C6orf118: variants seen among roughly 807,000 people sequenced by gnomAD.
C6orf118 encodes the protein uncharacterized protein C6orf118.
C6orf118 carries 50 observed loss-of-function variants against 50.2 expected under a neutral mutation model. The observed-to-expected ratio is 1.00, with a 90% confidence interval of 0.79 to 1.26. The LOEUF is 1.26. Among genes scored for constraint, C6orf118 ranks in the 50% most tolerant of loss-of-function variants. The pLI is 0.00. For missense variants in C6orf118, 641 were observed against 578.7 expected, an observed-to-expected ratio of 1.11 and a Z score of -1.10; for synonymous variants, 239 against 230.9, an observed-to-expected ratio of 1.03 and a Z score of -0.32.
At chr6:165,296,250 G>GTTTTTTTTTTTTTTTTTTTTTTTTT (rs56394079) in intron 5 of C6orf118, among the ~76,000 whole-genome samples, 43 of 103,364 alleles carry the variant, frequency 4.2e-4, no homozygotes, top group Non-Finnish European at 5.9e-4. Flanking sequence ...TTCGTTTTTT[G>GTTTTTTTTTTTTTTTTTTTTTTTTT]TTTTTTTTTT....
intron 5 of C6orf118, among the ~76,000 whole-genome samples, chr6:165,294,474 GC>G (rs1369011422): frequency 3.3e-5 from 5 of 152,102 alleles, no homozygotes; most frequent in African/African-American, 1.2e-4. Flanking sequence ...ACATCCACAT[GC>G]AAATAATTTA....
At chr6:165,289,708 T>C (rs1780038846) in intron 7 of C6orf118, among the ~76,000 whole-genome samples, 178 bp downstream of exon 7, 2 of 152,162 alleles carry the variant, frequency 1.3e-5, no homozygotes, top group South Asian at 4.1e-4. Context: ...TTTTTTCTTA[T>C]TTTGATAGAT....
At chr6:165,283,740 G>A (rs1233299987) in intron 7 of C6orf118, among the ~76,000 whole-genome samples, 1 of 152,086 alleles carries the variant, frequency 6.6e-6, no homozygotes, top group Non-Finnish European at 1.5e-5. Flanking sequence ...TGGAAGAGGG[G>A]CCTGTTAAAA....
At chr6:165,296,060 A>G (rs796276963) in intron 5 of C6orf118, among the ~76,000 whole-genome samples, 8 of 151,880 alleles carry the variant, frequency 5.3e-5, no homozygotes, top group African/African-American at 1.4e-4. Flanking sequence ...ATCTATCTCC[A>G]CTGTTCTCTC....
At chr6:165,297,885 GA>G (rs2128161425) in intron 5 of C6orf118, 91 bp downstream of exon 5, 1 of 1,571,500 alleles carries the variant, frequency 6.4e-7, no homozygotes, top group African/African-American at 1.3e-5. Context: ...CAGCAACGCA[GA>G]AATCAATGTA....
Position 165,300,453 on chromosome 6 carries a change from G to C in C6orf118, c.787C>G (p.Gln263Glu), listed in dbSNP as rs1214014258. The C allele has an allele frequency of 4.3e-6, 7 of 1,613,140 alleles. No homozygotes were observed. The highest frequency in any genetic ancestry group is 5.9e-6 in the Non-Finnish European group (7 of 1,179,552). Residue 263 changes from glutamine (Q) to glutamate (E), a missense_variant, in exon 3 of 9, where the codon CAG (glutamine) becomes GAG (glutamate). By Grantham distance (29) the Gln-to-Glu change is conservative (BLOSUM62 2). Transcript: ENST00000230301. Reference sequence around the variant, plus strand: ...CCAAAGACGTGCAGTCTGTTGAACTGCTGGGGGCTGCACGTGCAAATTTTC... The same window carrying C: ...CCAAAGACGTGCAGTCTGTTGAACTCCTGGGGGCTGCACGTGCAAATTTTC... ...LQKICTCSPQQFNRLHVFGKV... is the reference protein window; with the variant it reads ...LQKICTCSPQEFNRLHVFGKV...
intron 1 of C6orf118, among the ~76,000 whole-genome samples, chr6:165,309,354 C>A (rs374603171): frequency 6.6e-6 from 1 of 152,392 alleles, no homozygotes; most frequent in East Asian, 1.9e-4. Flanking sequence ...GCGCACCCCC[C>A]ACCTCTGTGC....
intron 8 of C6orf118, among the ~76,000 whole-genome samples, chr6:165,280,508 C>T (rs767266030): frequency 1.3e-5 from 2 of 152,174 alleles, no homozygotes; most frequent in African/African-American, 2.4e-5. Context: ...ACCTGTATGG[C>T]TTGCTCAGCA....
chr6:165,285,952 CA>C (rs1048392108), intron 7 of C6orf118, among the ~76,000 whole-genome samples: 6 of 149,314 alleles, frequency 4.0e-5, no homozygotes, highest in Admixed American at 6.6e-5. Flanking sequence ...AATAGAGACA[CA>C]AAAAAACCTT....
intron 8 of C6orf118, among the ~76,000 whole-genome samples, chr6:165,280,438 C>T (rs946278760): frequency 1.3e-5 from 2 of 152,138 alleles, no homozygotes; most frequent in Non-Finnish European, 2.9e-5. Context: ...GTATTTGTAA[C>T]TCTATTCCCT....
At chr6:165,284,292 T>TA (rs918101066) in intron 7 of C6orf118, among the ~76,000 whole-genome samples, 1 of 151,380 alleles carries the variant, frequency 6.6e-6, no homozygotes, top group Admixed American at 6.6e-5. Context: ...ATGAAAGGAA[T>TA]AAAAAAAGCC....
At chr6:165,300,266 G>A (rs1562333536) in intron 3 of C6orf118, 98 bp downstream of exon 3, 4 of 1,437,562 alleles carry the variant, frequency 2.8e-6, no homozygotes, top group East Asian at 4.6e-5. Context: ...GGGGGCCTGT[G>A]ATACCTAGCA....
intron 5 of C6orf118, among the ~76,000 whole-genome samples, chr6:165,296,250 G>GTTTTTTTTTTTTTTTTTTTTT (rs56394079): frequency 1.4e-4 from 14 of 103,360 alleles, no homozygotes; most frequent in East Asian, 3.8e-4. Flanking sequence ...TTCGTTTTTT[G>GTTTTTTTTTTTTTTTTTTTTT]TTTTTTTTTT....
At chr6:165,306,535 C>CAAAAAAA (rs60755206) in intron 1 of C6orf118, among the ~76,000 whole-genome samples, 10 of 39,684 alleles carry the variant, frequency 2.5e-4, no homozygotes, top group African/African-American at 4.6e-4. Context: ...TAGGTGAATG[C>CAAAAAAA]AAAAAAAAAA....
intron 6 of C6orf118, among the ~76,000 whole-genome samples, chr6:165,291,627 C>G (rs1780108747): frequency 6.6e-6 from 1 of 152,050 alleles, no homozygotes. Context: ...CTTGGATATA[C>G]AGATCTCAAG....
chr6:165,284,831 A>G (rs1395820916), intron 7 of C6orf118, among the ~76,000 whole-genome samples: 3 of 152,204 alleles, frequency 2.0e-5, no homozygotes, highest in Admixed American at 2.0e-4. Context: ...GGAAGCACTA[A>G]TCATGGAAAG....
Position 165,294,479 on chromosome 6 carries a change from T to TA in C6orf118, c.1062-1009dup, listed in dbSNP as rs1475837659. ...TTGATTTAAAACATCCACATGCAAATAATTTAAAGCCAAATGTCTACAAAG... is the reference window on the plus strand; with the variant it reads ...TTGATTTAAAACATCCACATGCAAATAAATTTAAAGCCAAATGTCTACAAAG... On this transcript the variant is annotated intron_variant, in intron 5 of 8. Transcript: ENST00000230301. Among the ~76,000 whole-genome samples, 6 of 152,100 alleles carry TA rather than the reference T, an allele frequency of 3.9e-5. No homozygotes were observed. In the East Asian group the frequency reaches 9.6e-4, roughly 24 times the overall value.
At chr6:165,290,419 A>G (rs1780068298) in intron 6 of C6orf118, among the ~76,000 whole-genome samples, 1 of 152,142 alleles carries the variant, frequency 6.6e-6, no homozygotes, top group African/African-American at 2.4e-5. Context: ...TGCAACGGTA[A>G]GACAAAGCAA....
intron 5 of C6orf118, among the ~76,000 whole-genome samples, chr6:165,294,095 A>C (rs1780202024): frequency 6.6e-6 from 1 of 151,906 alleles, no homozygotes; most frequent in Admixed American, 6.6e-5. Context: ...AAATACAAAA[A>C]ATTAGCTGGG....
Sources: allele counts gnomAD v4.1 joint callset (sites outside exome capture counted in the v4.1 genomes callset), GRCh38; gene constraint gnomAD v4.1.1; transcripts MANE v1.5; gene names NCBI Gene and HGNC (gene_info 2026-07-23, HGNC 2026-07-21).